The following NEB variants were observed in gnomAD, a reference collection of about 807,000 sequenced individuals.
The protein encoded by NEB is nemaline myopathy type 2.
In NEB, 512 loss-of-function variants were observed where a neutral mutation model predicts 952.2. The ratio of observed to expected loss-of-function variants is 0.54; its 90% CI spans 0.50 to 0.58. The LOEUF (loss-of-function observed/expected upper bound fraction) is 0.58, where lower values mean the gene tolerates loss of function less well. Ranked by LOEUF, NEB falls within the 20% of genes least tolerant of loss-of-function variation. NEB has a pLI of 0.00. For synonymous variants in NEB, 2,900 were observed against 3,149.8 expected (o/e 0.92, Z 2.66); for missense variants, 8,428 against 9,231.1 (o/e 0.91, Z 3.56).
At position 151,612,995 on chromosome 2, in the gene NEB, T is replaced by C. The variant is rs370598026; in HGVS notation, c.11602-606A>G. 3.3e-5 allele frequency among the ~76,000 whole-genome samples: 5 copies of C among 152,328 alleles called. No individual in the cohort carries two copies. The South Asian group carries it at 8.3e-4, about 25-fold the overall frequency. The stretch of plus-strand genomic sequence containing the variant: ...CAAATACATTTTTTCTTTCTTTCAT[T>C]TTCTTCTTTGAATATAAACAACTGG... On this transcript the variant is annotated intron_variant, in intron 77 of 181. Coordinates refer to ENST00000397345, the MANE Select transcript of NEB (RefSeq NM_001164508.2).
intron 5 of NEB, 72 bp from the exon 6 acceptor site, chr2:151,725,632 G>C: frequency 1.7e-6 from 2 of 1,201,052 alleles, no homozygotes; most frequent in South Asian, 1.3e-5. Context: ...CACCCCATTT[G>C]ATAAAAAAAA....
chr2:151,562,960 ATATATACTT>A (rs1394231348), intron 119 of NEB, among the ~76,000 whole-genome samples, 152 bp from the exon 120 acceptor site: 1 of 148,600 alleles, frequency 6.7e-6, no homozygotes, highest in Non-Finnish European at 1.5e-5. Flanking sequence ...TACTTTATAT[ATATATACTT>A]TATATACTTT....
rs776374015 is a variant in NEB at position 151,636,306 on chromosome 2, G to A, written c.9023C>T (p.Ala3008Val). 3 of 1,608,126 alleles carry A rather than the reference G, an allele frequency of 1.9e-6. No individual in the cohort carries two copies. Among genetic ancestry groups the A allele is most frequent in the Non-Finnish European group, 2.5e-6 (3 of 1,179,608 alleles). ...ESLYKLANEE[A>V]KKKGYDLRSD... Reference sequence around the variant, plus strand: ...TCGCAAGTCATAGCCTTTCTTCTTTGCTTCTTCATTAGCAAGTTTGTACAG... The same window carrying A: ...TCGCAAGTCATAGCCTTTCTTCTTTACTTCTTCATTAGCAAGTTTGTACAG... The change falls in exon 64 of 182, where the codon GCA becomes GTA. Residue 3008 changes from alanine to valine, a missense_variant. By Grantham distance (64) the Ala-to-Val change is moderately conservative. Coordinates refer to ENST00000397345, the MANE Select transcript of NEB (RefSeq NM_001164508.2).
intron 105 of NEB, among the ~76,000 whole-genome samples, chr2:151,577,389 C>A (rs1333740898): frequency 6.6e-6 from 1 of 152,148 alleles, no homozygotes. Flanking sequence ...TGAAGGAATG[C>A]CCCATGTCCT....
At position 151,660,358 on chromosome 2, in the gene NEB, GTGTATGTATGTA is replaced by G. The variant is rs371691551; in HGVS notation, c.5971-1201_5971-1190del. The stretch of plus-strand genomic sequence containing the variant: ...CCTAAACTGCAAAACATATTCTTGT[GTGTATGTATGTA>G]TGTATGTATATCTTTGCACACATAT... On this transcript the variant is annotated intron_variant, in intron 46 of 181. Coordinates refer to ENST00000397345, the MANE Select transcript of NEB (RefSeq NM_001164508.2). Among the ~76,000 whole-genome samples, 156 of 152,080 alleles carry G rather than the reference GTGTATGTATGTA, an allele frequency of 1.0e-3. 1 individual carries two copies. Among genetic ancestry groups the G allele is most frequent in the African/African-American group, 3.4e-3 (141 of 41,492 alleles).
Position 151,553,507 on chromosome 2 carries a change from A to G in NEB, c.19627-5T>C. On this transcript the variant is annotated splice_polypyrimidine_tract_variant and splice_region_variant and intron_variant, in intron 126 of 181. Coordinates refer to ENST00000397345, the MANE Select transcript of NEB (RefSeq NM_001164508.2). ...GAGGTCATCCTTGTATACAATCTAG[A>G]GGGTTTTGATAGAAAGGATCAGAAA... is the stretch of plus-strand genomic sequence containing the variant. 1 of 1,595,444 alleles carries G rather than the reference A, an allele frequency of 6.3e-7. No individual in the cohort carries two copies. The highest frequency in any genetic ancestry group is 8.6e-7 in the Non-Finnish European group (1 of 1,165,494).
chr2:151,622,703 T>C (rs988482652), intron 71 of NEB, among the ~76,000 whole-genome samples: 1 of 152,226 alleles, frequency 6.6e-6, no homozygotes, highest in Non-Finnish European at 1.5e-5. Context: ...GATATTTTTA[T>C]ATAATGACAG....
At chr2:151,655,203 G>A (rs146904441) in intron 51 of NEB, 67 bp downstream of exon 51, 82 of 936,032 alleles carry the variant, frequency 8.8e-5, no homozygotes, top group Admixed American at 3.1e-4. Context: ...AGTATTTACT[G>A]TTACATTATT....
At chr2:151,505,780 T>C (rs1248966507) in intron 164 of NEB, among the ~76,000 whole-genome samples, 1 of 152,094 alleles carries the variant, frequency 6.6e-6, no homozygotes, top group Non-Finnish European at 1.5e-5. Flanking sequence ...CTCTCTCTCG[T>C]CTCTTTGGGG....
intron 161 of NEB, among the ~76,000 whole-genome samples, chr2:151,512,468 G>A (rs998562728): frequency 4.6e-5 from 7 of 151,948 alleles, no homozygotes; most frequent in African/African-American, 4.8e-5. Flanking sequence ...TGGGACTGGC[G>A]TGCACCACCA....
Position 151,605,337 on chromosome 2 carries a change from C to T in NEB, c.12748-466G>A, listed in dbSNP as rs542515750. ...AGGCACAGGTGATAATCTCCATCAC[C>T]AAGCTTCCCTGACAAGTGCAACATT... On this transcript the variant is annotated intron_variant, in intron 84 of 181. Transcript: ENST00000397345. Among the ~76,000 whole-genome samples the T allele has an allele frequency of 1.1e-4, 13 of 120,672 alleles. 1 individual carries two copies. The South Asian group carries it at 3.3e-3, about 31-fold the overall frequency. 79.2% of individuals were successfully genotyped at this position (120,672 alleles called of 152,430 possible). A position where few individuals can be genotyped will look rare whatever the true frequency, so the allele number is the denominator to read the frequency against.
intron 162 of NEB, among the ~76,000 whole-genome samples, chr2:151,507,294 G>A (rs1243467212): frequency 6.6e-6 from 1 of 152,214 alleles, no homozygotes; most frequent in African/African-American, 2.4e-5. Context: ...ATGGAAAGCA[G>A]TGATAGTTCA....
chr2:151,619,587 A>G lies in NEB; in HGVS notation c.10736T>C (p.Leu3579Pro), dbSNP rs779827612. The change falls in exon 73 of 182, where the codon CTT becomes CCT. Residue 3579 changes from leucine to proline, a missense_variant. Physicochemically the swap from Leu to Pro is moderately conservative, Grantham distance 98 (BLOSUM62 -3). Coordinates refer to ENST00000397345, the MANE Select transcript of NEB (RefSeq NM_001164508.2). ...ACACTTCTTGGCCAAAACGATACCAAGCATGTCCACTGGGCTGCTGTACCT... is the reference window on the plus strand; with the variant it reads ...ACACTTCTTGGCCAAAACGATACCAGGCATGTCCACTGGGCTGCTGTACCT... ...KTRYSSPVDM[L>P]GIVLAKKCQT... The G allele has an allele frequency of 8.1e-6, 13 of 1,613,954 alleles. No individual in the cohort carries two copies. The highest frequency in any genetic ancestry group is 1.7e-4 in the Middle Eastern group (1 of 6,060).
intron 54 of NEB, among the ~76,000 whole-genome samples, chr2:151,647,199 C>A (rs779266791): frequency 1.3e-5 from 2 of 152,080 alleles, no homozygotes; most frequent in Non-Finnish European, 2.9e-5. Context: ...TAATCTCCAC[C>A]TCCCAGGTTC....
intron 9 of NEB, among the ~76,000 whole-genome samples, chr2:151,719,964 G>T (rs559890495): frequency 6.6e-6 from 1 of 150,752 alleles, no homozygotes; most frequent in East Asian, 1.9e-4. Context: ...GGCTGGTTAA[G>T]TCCTTAGGGT....
chr2:151,639,446 T>C, intron 62 of NEB, 62 bp from the exon 63 acceptor site: 1 of 1,213,328 alleles, frequency 8.2e-7, no homozygotes, highest in South Asian at 1.7e-5. Flanking sequence ...AATAGGAATT[T>C]TAGGGCCACA....
chr2:151,610,707 G>A, intron 79 of NEB, 55 bp downstream of exon 79: 1 of 1,581,134 alleles, frequency 6.3e-7, no homozygotes, highest in Non-Finnish European at 8.7e-7. Flanking sequence ...TTGTTACGGT[G>A]GAAAAAGCAT....
intron 80 of NEB, among the ~76,000 whole-genome samples, 197 bp downstream of exon 80, chr2:151,610,319 A>G (rs547286016): frequency 6.6e-6 from 1 of 152,380 alleles, no homozygotes; most frequent in South Asian, 2.1e-4. Flanking sequence ...TGGTGAAAGC[A>G]TTCCCTGCAG....
intron 28 of NEB, 71 bp downstream of exon 28, chr2:151,684,707 C>A: frequency 7.3e-7 from 1 of 1,375,576 alleles, no homozygotes; most frequent in East Asian, 2.5e-5. Context: ...GCAAAAACCT[C>A]ACTCAACTTC....
Sources: gnomAD v4.1 joint callset for allele counts (sites outside exome capture counted in the v4.1 genomes callset) on GRCh38, gnomAD v4.1.1 for gene constraint, MANE v1.5 for transcripts, NCBI Gene and HGNC (gene_info 2026-07-23, HGNC 2026-07-21) for gene names.